Variants in IRAK2 observed in about 807,000 individuals in gnomAD.
IRAK2 encodes the protein interleukin-1 receptor-associated kinase-like 2.
In IRAK2, 57 loss-of-function variants were observed where a neutral mutation model predicts 72.0. That is an observed-to-expected ratio of 0.79 (90% CI 0.64 to 0.99). The LOEUF is 0.99. Among genes scored for constraint, IRAK2 ranks in the 50% least tolerant of loss-of-function variants. The pLI, the probability that IRAK2 is intolerant of heterozygous loss-of-function variation, is 0.00. For synonymous variants in IRAK2, 293 were observed against 312.7 expected (o/e 0.94, Z 0.67); for missense variants, 790 against 794.4 (o/e 0.99, Z 0.07).
At chr3:10,200,059 T>G (rs1697332063) in intron 2 of IRAK2, among the ~76,000 whole-genome samples, 1 of 152,012 alleles carries the variant, frequency 6.6e-6, no homozygotes, top group South Asian at 2.1e-4. Flanking sequence ...AACTAATTTT[T>G]GTATTTTTAG....
At position 10,234,443 on chromosome 3, in the gene IRAK2, A is replaced by T. The variant is rs148096180; in HGVS notation, c.1273-16A>T. The T allele has an allele frequency of 8.7e-6, 14 of 1,608,818 alleles. No individual in the cohort carries two copies. In the Admixed American group the frequency reaches 1.3e-4, roughly 15 times the overall value. On this transcript the variant is annotated splice_polypyrimidine_tract_variant and intron_variant, in intron 10 of 12. Transcript: ENST00000256458. ...CTGCAGCTCACGCAAGGGCGTTTCT[A>T]CCCTTCTTCCCACAGAAGGACTTAC...
At chr3:10,217,145 C>A in intron 7 of IRAK2, 97 bp downstream of exon 7, 1 of 844,694 alleles carries the variant, frequency 1.2e-6, no homozygotes, top group Non-Finnish European at 2.0e-6. Context: ...GGGAGAGGGG[C>A]CATCTAGGTG....
intron 11 of IRAK2, among the ~76,000 whole-genome samples, chr3:10,237,711 G>C (rs1004994520): frequency 4.0e-5 from 6 of 151,348 alleles, no homozygotes; most frequent in African/African-American, 1.5e-4. Context: ...GAAGGCTGAG[G>C]CAGGAGAATG....
chr3:10,175,966 C>T (rs1206744348), intron 1 of IRAK2, among the ~76,000 whole-genome samples: 1 of 147,892 alleles, frequency 6.8e-6, no homozygotes, highest in Non-Finnish European at 1.5e-5. Flanking sequence ...TCCAAAGACA[C>T]ATCTATGTAG....
chr3:10,168,175 C>T (rs1696725246), intron 1 of IRAK2, among the ~76,000 whole-genome samples: 2 of 151,962 alleles, frequency 1.3e-5, no homozygotes, highest in Non-Finnish European at 2.9e-5. Flanking sequence ...GACCATTTCT[C>T]CACATCCTTG....
intron 4 of IRAK2, among the ~76,000 whole-genome samples, chr3:10,211,505 C>T (rs945067670): frequency 7.9e-5 from 12 of 152,062 alleles, no homozygotes; most frequent in African/African-American, 2.7e-4. Context: ...GTAGTCCCAG[C>T]TACTTGGGGG....
chr3:10,221,395 A>T (rs1697689826), intron 8 of IRAK2, among the ~76,000 whole-genome samples: 1 of 151,124 alleles, frequency 6.6e-6, no homozygotes. Context: ...CTGGGACTAC[A>T]GGCGCCTGCC....
In IRAK2 at chr3:10,213,209, C is replaced by A; in HGVS notation, c.531C>A (p.Asp177Glu). The change falls in exon 5 of 13, where the codon GAC becomes GAA. Residue 177 changes from aspartate (D) to glutamate (E), a missense_variant and splice_region_variant. Asp to Glu is a conservative substitution (Grantham distance 45). Transcript: ENST00000256458. ...SDLPTSSDSK[D>E]FSTSIPKQEK... Reference sequence around the variant, plus strand: ...ATCTCTTCTCTCTGGGTCTCCAGGACTTCAGCACCTCCATTCCTAAGCAGG... The same window carrying A: ...ATCTCTTCTCTCTGGGTCTCCAGGAATTCAGCACCTCCATTCCTAAGCAGG... 1 of 1,613,922 alleles carries A rather than the reference C, an allele frequency of 6.2e-7. No homozygotes were observed. Among genetic ancestry groups the A allele is most frequent in the Non-Finnish European group, 8.5e-7 (1 of 1,179,832 alleles).
At chr3:10,214,911 T>C (rs1395845657) in intron 6 of IRAK2, among the ~76,000 whole-genome samples, 1 of 150,664 alleles carries the variant, frequency 6.6e-6, no homozygotes, top group Non-Finnish European at 1.5e-5. Context: ...CTGGGCAACA[T>C]GGCAAAACCC....
intron 2 of IRAK2, among the ~76,000 whole-genome samples, chr3:10,184,855 G>A (rs1439610783): frequency 1.3e-5 from 2 of 148,976 alleles, no homozygotes; most frequent in Non-Finnish European, 3.0e-5. Context: ...TCAGCCTCCC[G>A]AGTAGCTGGG....
At chr3:10,192,786 G>T (rs920659333) in intron 2 of IRAK2, among the ~76,000 whole-genome samples, 4 of 152,208 alleles carry the variant, frequency 2.6e-5, no homozygotes, top group Admixed American at 6.5e-5. Context: ...GGGCGTGATG[G>T]TGTCTGCCTG....
rs1256824107 is a variant in IRAK2, at chr3:10,243,440, GTTTCT to G, written c.*1215_*1219del. The G allele has an allele frequency of 1.3e-5, 2 of 152,586 alleles. No individual in the cohort carries two copies. The highest frequency in any genetic ancestry group is 1.5e-5 in the Non-Finnish European group (1 of 68,024). 9.5% of individuals were successfully genotyped at this position (152,586 alleles called of 1,614,324 possible). A position where few individuals can be genotyped will look rare whatever the true frequency, so the allele number is the denominator to read the frequency against. ...CAATCATTTAATTTTTGGGACCTCA[GTTTCT>G]TTGTAAGTAAAATAACACCTGCTTG... On this transcript the variant is annotated 3_prime_UTR_variant, in exon 13 of 13. Coordinates refer to ENST00000256458, the MANE Select transcript of IRAK2 (RefSeq NM_001570.4).
chr3:10,196,863 A>C (rs1697275566), intron 2 of IRAK2, among the ~76,000 whole-genome samples: 1 of 152,120 alleles, frequency 6.6e-6, no homozygotes, highest in African/African-American at 2.4e-5. Context: ...GTGGATCTGA[A>C]TCTCATGAAG....
chr3:10,175,876 G>A (rs1488067701), intron 1 of IRAK2, among the ~76,000 whole-genome samples: 6 of 134,352 alleles, frequency 4.5e-5, no homozygotes, highest in Non-Finnish European at 7.7e-5. Context: ...GGGTGACAGA[G>A]CGAGACTCCG....
At chr3:10,238,701 T>C in intron 11 of IRAK2, 47 bp from the exon 12 acceptor site, 1 of 1,573,180 alleles carries the variant, frequency 6.4e-7, no homozygotes. Context: ...GCATTTCTAT[T>C]TCAGAGAGAA....
chr3:10,184,723 GTTTTTTTT>G (rs55839723), intron 2 of IRAK2, among the ~76,000 whole-genome samples: 1,455 of 102,010 alleles, frequency 0.014, 29 homozygotes, highest in African/African-American at 0.034. Flanking sequence ...GTTTTTGTGT[GTTTTTTTT>G]TTTTTTTTTT....
In IRAK2 at chr3:10,217,029, A is replaced by G. The variant is rs1432308275; in HGVS notation, c.884A>G (p.Gln295Arg). ...IYPYMANGSL[Q>R]DRLQGQGGSD... ...CCCTACATGGCAAATGGTTCCCTAC[A>G]GGACAGACTGCAGGGTCAGGTAAGG... The change falls in exon 7 of 13, where the codon CAG becomes CGG. Residue 295 changes from glutamine (Q) to arginine (R), a missense_variant. By Grantham distance (43) the Gln-to-Arg change is conservative. Coordinates refer to ENST00000256458, the MANE Select transcript of IRAK2 (RefSeq NM_001570.4). 2 of 1,613,246 alleles carry G rather than the reference A, an allele frequency of 1.2e-6. No homozygotes were observed. Among genetic ancestry groups the G allele is most frequent in the Admixed American group, 1.7e-5 (1 of 60,014 alleles).
Position 10,213,318 on chromosome 3 carries a change from C to A in IRAK2, c.640C>A (p.Arg214Ser). The change falls in exon 5 of 13, where the codon CGC becomes AGC. Residue 214 changes from arginine (R) to serine (S), a missense_variant. Coordinates refer to ENST00000256458, the MANE Select transcript of IRAK2 (RefSeq NM_001570.4). ...VQATDDFNQN[R>S]KISQGTFADV... ...GGCAACCGATGACTTCAATCAAAAC[C>A]GCAAAATCAGCCAGGGGACCTTTGC... is the stretch of plus-strand genomic sequence containing the variant. The A allele has an allele frequency of 6.2e-7, 1 of 1,614,030 alleles. No individual in the cohort carries two copies. The highest frequency in any genetic ancestry group is 2.2e-5 in the East Asian group (1 of 44,878).
chr3:10,199,404 T>G (rs995316823), intron 2 of IRAK2, among the ~76,000 whole-genome samples: 3 of 152,172 alleles, frequency 2.0e-5, no homozygotes, highest in Non-Finnish European at 4.4e-5. Flanking sequence ...TTTCCTCATC[T>G]CTGAACAGGG....
Sources: allele counts gnomAD v4.1 joint callset (sites outside exome capture counted in the v4.1 genomes callset), GRCh38; gene constraint gnomAD v4.1.1; transcripts MANE v1.5; gene names NCBI Gene and HGNC (gene_info 2026-07-23, HGNC 2026-07-21).